TMEM38B: variants seen among roughly 807,000 people sequenced by gnomAD.
TMEM38B encodes the protein trimeric intracellular cation channel type B.
TMEM38B carries 24 observed loss-of-function variants against 28.7 expected under a neutral mutation model. The ratio of observed to expected loss-of-function variants is 0.84; its 90% CI spans 0.61 to 1.18. TMEM38B has a LOEUF of 1.18. TMEM38B is among the 50% of genes most tolerant of loss of function. The pLI, the probability that TMEM38B is intolerant of heterozygous loss-of-function variation, is 0.00. For missense variants in TMEM38B, 380 were observed against 350.9 expected, an observed-to-expected ratio of 1.08 and a Z score of -0.66; for synonymous variants, 131 against 127.7, an observed-to-expected ratio of 1.03 and a Z score of -0.17.
intron 2 of TMEM38B, among the ~76,000 whole-genome samples, chr9:105,716,374 T>TTG (rs139155061): frequency 1.9e-4 from 28 of 150,742 alleles, no homozygotes; most frequent in South Asian, 8.4e-4. Context: ...GTTGTAGCAT[T>TTG]TGTGTGTGTG....
intron 1 of TMEM38B, among the ~76,000 whole-genome samples, chr9:105,704,598 C>T (rs187291614): frequency 1.7e-3 from 250 of 150,440 alleles, no homozygotes; most frequent in African/African-American, 5.8e-3. Flanking sequence ...TTGTCTGATT[C>T]GATTAGTTCA....
chr9:105,718,012 TCA>T (rs1316120145), intron 2 of TMEM38B, among the ~76,000 whole-genome samples: 1 of 152,144 alleles, frequency 6.6e-6, no homozygotes, highest in East Asian at 1.9e-4. Context: ...GCCTAAGGTG[TCA>T]CAGTTACTGA....
At chr9:105,694,833 A>AAGTCGGGTG (rs1223829939) in intron 1 of TMEM38B, 61 bp downstream of exon 1, 8 of 126,894 alleles carry the variant, frequency 6.3e-5, no homozygotes, top group Non-Finnish European at 1.2e-4. Flanking sequence ...AGGACCGTCT[A>AAGTCGGGTG]AGTCGGGTGG....
chr9:105,754,980 A>T (rs74997831), intron 5 of TMEM38B, among the ~76,000 whole-genome samples: 1 of 152,134 alleles, frequency 6.6e-6, no homozygotes, highest in East Asian at 1.9e-4. Flanking sequence ...ATACTGTACT[A>T]TATACTATAA....
intron 5 of TMEM38B, among the ~76,000 whole-genome samples, chr9:105,750,349 C>T (rs1419519098): frequency 6.6e-6 from 1 of 151,980 alleles, no homozygotes. Flanking sequence ...GAAGGCCGGG[C>T]ACAGTGGCTC....
chr9:105,725,986 T>C (rs1836496583), intron 4 of TMEM38B, among the ~76,000 whole-genome samples: 1 of 152,196 alleles, frequency 6.6e-6, no homozygotes, highest in South Asian at 2.1e-4. Flanking sequence ...CCTTTACTTA[T>C]TTTTAAAAAT....
intron 4 of TMEM38B, among the ~76,000 whole-genome samples, chr9:105,743,987 A>G (rs997230602): frequency 5.3e-5 from 8 of 152,268 alleles, no homozygotes; most frequent in Middle Eastern, 3.4e-3. Flanking sequence ...TCTAAAATCT[A>G]TAGTTTATGA....
At chr9:105,696,761 G>A (rs1486183426) in intron 1 of TMEM38B, among the ~76,000 whole-genome samples, 2 of 152,168 alleles carry the variant, frequency 1.3e-5, no homozygotes, top group East Asian at 1.9e-4. Flanking sequence ...GAGATGTGTA[G>A]GACAGTTGCT....
intron 5 of TMEM38B, 80 bp downstream of exon 5, chr9:105,748,270 G>A: frequency 2.1e-6 from 2 of 969,878 alleles, no homozygotes; most frequent in Non-Finnish European, 3.2e-6. Context: ...TGCTGGGCAA[G>A]TAAGAGGAAC....
chr9:105,726,557 A>G (rs1034703055), intron 4 of TMEM38B, among the ~76,000 whole-genome samples: 17 of 152,224 alleles, frequency 1.1e-4, no homozygotes, highest in African/African-American at 3.9e-4. Context: ...TTCATCTCCT[A>G]TAATAACAGT....
chr9:105,719,374 T>C (rs1053969029), intron 2 of TMEM38B, among the ~76,000 whole-genome samples: 4 of 152,178 alleles, frequency 2.6e-5, no homozygotes, highest in Non-Finnish European at 5.9e-5. Context: ...GATATGATAA[T>C]TTTAGTTAAA....
chr9:105,730,206 C>G (rs1836680411), intron 4 of TMEM38B, among the ~76,000 whole-genome samples: 1 of 152,052 alleles, frequency 6.6e-6, no homozygotes, highest in African/African-American at 2.4e-5. Flanking sequence ...ATGATACTGG[C>G]TGTGGGTTTG....
At chr9:105,771,136 A>G (rs759998603) in intron 5 of TMEM38B, among the ~76,000 whole-genome samples, 10 of 152,154 alleles carry the variant, frequency 6.6e-5, no homozygotes, top group Non-Finnish European at 1.0e-4. Context: ...CTTTTGTTTC[A>G]TCTCCTTTTT....
intron 5 of TMEM38B, among the ~76,000 whole-genome samples, chr9:105,764,563 C>A (rs1826288776): frequency 6.6e-6 from 1 of 152,042 alleles, no homozygotes; most frequent in Admixed American, 6.6e-5. Context: ...CTGCAAACCA[C>A]TGCTCAAGGA....
chr9:105,716,429 A>G (rs768306907), intron 2 of TMEM38B, among the ~76,000 whole-genome samples: 37 of 149,760 alleles, frequency 2.5e-4, no homozygotes, highest in South Asian at 2.1e-4. Context: ...TCCAGTGAAT[A>G]CCCGTTAGCT....
intron 5 of TMEM38B, chr9:105,749,162 T>A: frequency 1.6e-6 from 2 of 1,240,116 alleles, no homozygotes; most frequent in East Asian, 1.1e-4. Flanking sequence ...CTTCCAGTCC[T>A]CAAATGTTGA....
At chr9:105,713,879 G>GC (rs1427301981) in intron 2 of TMEM38B, among the ~76,000 whole-genome samples, 37 of 140,650 alleles carry the variant, frequency 2.6e-4, no homozygotes, top group South Asian at 2.2e-4. Flanking sequence ...AGAGTAGGAA[G>GC]AGTTGACTGG....
At chr9:105,703,588 G>T (rs1835531121) in intron 1 of TMEM38B, among the ~76,000 whole-genome samples, 1 of 152,142 alleles carries the variant, frequency 6.6e-6, no homozygotes, top group Non-Finnish European at 1.5e-5. Context: ...GGGTCAAATG[G>T]TATTTCCAGT....
chr9:105,745,359 C>G (rs143970371), intron 4 of TMEM38B, among the ~76,000 whole-genome samples: 3,644 of 152,166 alleles, frequency 0.024, 142 homozygotes, highest in African/African-American at 0.083. Context: ...ATTTTTTCAT[C>G]TGTCTGTTGG....
Sources: gnomAD v4.1 joint callset for allele counts (sites outside exome capture counted in the v4.1 genomes callset) on GRCh38, gnomAD v4.1.1 for gene constraint, MANE v1.5 for transcripts, NCBI Gene and HGNC (gene_info 2026-07-23, HGNC 2026-07-21) for gene names.